Variants in CNTNAP2 observed in about 807,000 individuals in gnomAD.
CNTNAP2 encodes the protein contactin-associated protein-like 2.
In CNTNAP2, 98 loss-of-function variants were observed where a neutral mutation model predicts 155.2. The ratio of observed to expected loss-of-function variants is 0.63; its 90% CI spans 0.54 to 0.75. CNTNAP2 has a LOEUF of 0.75. CNTNAP2 is among the 30% of genes least tolerant of loss of function. The probability of loss-of-function intolerance (pLI) is 0.00; values close to 1 mark genes in which losing one functional copy is unlikely to be tolerated. For missense variants in CNTNAP2, 1,727 were observed against 1,688.1 expected, an observed-to-expected ratio of 1.02 and a Z score of -0.40; for synonymous variants, 651 against 631.2, an observed-to-expected ratio of 1.03 and a Z score of -0.47.
intron 11 of CNTNAP2, among the ~76,000 whole-genome samples, chr7:147,542,149 A>G (rs140470861): frequency 7.2e-4 from 110 of 152,196 alleles, no homozygotes; most frequent in Non-Finnish European, 1.6e-4. Flanking sequence ...CTACAGTCCA[A>G]TGCTATAATA....
At chr7:147,414,679 C>T (rs1425488973) in intron 10 of CNTNAP2, among the ~76,000 whole-genome samples, 4 of 151,794 alleles carry the variant, frequency 2.6e-5, no homozygotes, top group Admixed American at 1.3e-4. Context: ...CGGTGGCTCA[C>T]GCCTGTAATC....
intron 14 of CNTNAP2, among the ~76,000 whole-genome samples, chr7:147,924,143 C>CTTTTTTTTTTTTTTTTTTTTT (rs71527854): frequency 2.4e-5 from 3 of 123,494 alleles, no homozygotes; most frequent in African/African-American, 3.2e-5. Context: ...CTTTTCTTTT[C>CTTTTTTTTTTTTTTTTTTTTT]TTTTTTTTTT....
rs979168402 is a variant in CNTNAP2 at position 147,371,429 on chromosome 7, T to TA, written c.1499-24174dup. On this transcript the variant is annotated intron_variant, in intron 9 of 23. Transcript: ENST00000361727. ...ATAAGATACACAGCCTAGTGAATAA[T>TA]AAAAAAGTATTATTACATTTACTTT... Among the ~76,000 whole-genome samples, 69 of 152,278 alleles carry TA rather than the reference T, an allele frequency of 4.5e-4. 1 individual carries two copies. The highest frequency in any genetic ancestry group is 1.6e-3 in the African/African-American group (67 of 41,570).
chr7:147,382,741 T>G (rs1379040667), intron 9 of CNTNAP2, among the ~76,000 whole-genome samples: 3 of 152,000 alleles, frequency 2.0e-5, no homozygotes, highest in Non-Finnish European at 4.4e-5. Flanking sequence ...AGGACAAGCT[T>G]TAGGAACTCT....
At chr7:147,036,371 T>G (rs530501755) in intron 3 of CNTNAP2, among the ~76,000 whole-genome samples, 2 of 152,218 alleles carry the variant, frequency 1.3e-5, no homozygotes, top group Non-Finnish European at 2.9e-5. Context: ...GGGATGTTTA[T>G]TCTAAAATTA....
chr7:147,439,189 T>C (rs1797599657), intron 10 of CNTNAP2, among the ~76,000 whole-genome samples: 2 of 152,078 alleles, frequency 1.3e-5, no homozygotes, highest in African/African-American at 2.4e-5. Context: ...GGTTGTTTAT[T>C]TGAAGTTTTT....
chr7:147,295,577 G>C (rs1805423553), intron 8 of CNTNAP2, among the ~76,000 whole-genome samples: 1 of 152,090 alleles, frequency 6.6e-6, no homozygotes, highest in African/African-American at 2.4e-5. Context: ...ATAGAGCTTA[G>C]AACTTTATAC....
At chr7:146,315,303 G>T (rs1324896496) in intron 1 of CNTNAP2, among the ~76,000 whole-genome samples, 2 of 152,104 alleles carry the variant, frequency 1.3e-5, no homozygotes, top group Non-Finnish European at 2.9e-5. Context: ...TTCTGCAAGT[G>T]GGGTGATCTA....
At chr7:148,081,962 G>A (rs746096358) in intron 15 of CNTNAP2, among the ~76,000 whole-genome samples, 3 of 151,850 alleles carry the variant, frequency 2.0e-5, no homozygotes, top group South Asian at 4.2e-4. Flanking sequence ...TGTTTTGTTT[G>A]CTTGTTTTTT....
intron 12 of CNTNAP2, among the ~76,000 whole-genome samples, chr7:147,563,101 G>T (rs992703468): frequency 6.6e-6 from 1 of 152,050 alleles, no homozygotes; most frequent in African/African-American, 2.4e-5. Flanking sequence ...TTTACATCCT[G>T]GCTTCATTAA....
At chr7:146,268,849 A>G (rs1485597298) in intron 1 of CNTNAP2, among the ~76,000 whole-genome samples, 1 of 152,242 alleles carries the variant, frequency 6.6e-6, no homozygotes, top group Non-Finnish European at 1.5e-5. Context: ...ATTCACAAGA[A>G]GAAGATAGTT....
At chr7:146,274,468 G>C (rs1563017483) in intron 1 of CNTNAP2, among the ~76,000 whole-genome samples, 1 of 152,168 alleles carries the variant, frequency 6.6e-6, no homozygotes, top group Non-Finnish European at 1.5e-5. Context: ...CAAACATAAA[G>C]AGACCAGATG....
chr7:147,045,227 T>C (rs1458292523), intron 4 of CNTNAP2, among the ~76,000 whole-genome samples: 1 of 152,160 alleles, frequency 6.6e-6, no homozygotes, highest in Non-Finnish European at 1.5e-5. Context: ...CGTTTCCTAC[T>C]CATTCCTATA....
chr7:146,688,411 G>T (rs1378034081), intron 1 of CNTNAP2, among the ~76,000 whole-genome samples: 2 of 152,114 alleles, frequency 1.3e-5, no homozygotes, highest in Non-Finnish European at 2.9e-5. Flanking sequence ...CCTGGGTGCA[G>T]GCCAACTGAC....
intron 15 of CNTNAP2, among the ~76,000 whole-genome samples, chr7:148,055,360 G>A (rs900571985): frequency 6.6e-6 from 1 of 152,180 alleles, no homozygotes; most frequent in African/African-American, 2.4e-5. Flanking sequence ...TAGCTTATAG[G>A]AAATTATTCT....
At chr7:146,831,494 G>A (rs1803510851) in intron 2 of CNTNAP2, among the ~76,000 whole-genome samples, 1 of 151,690 alleles carries the variant, frequency 6.6e-6, no homozygotes, top group African/African-American at 2.4e-5. Flanking sequence ...TAGTCAACAT[G>A]GTGAAACCGT....
rs1800019876 is a variant in CNTNAP2, at chr7:148,417,417, C to CA, written c.*1805dup. On this transcript the variant is annotated 3_prime_UTR_variant, in exon 24 of 24. Coordinates refer to ENST00000361727, the MANE Select transcript of CNTNAP2 (RefSeq NM_014141.6). ...TCCCATACAAGTCAAGGTAACAGAA[C>CA]AAAAGGGAATCCTGATGCCCTTTTA... 2 of 152,618 alleles carry CA rather than the reference C, an allele frequency of 1.3e-5. No homozygotes were observed. Among genetic ancestry groups the CA allele is most frequent in the Admixed American group, 6.5e-5 (1 of 15,284 alleles). The allele number at this position is 152,618 out of a possible 1,614,324, so 9.5% of individuals were successfully genotyped here.
At chr7:147,319,198 C>A (rs1230278768) in intron 9 of CNTNAP2, among the ~76,000 whole-genome samples, 1 of 151,986 alleles carries the variant, frequency 6.6e-6, no homozygotes, top group African/African-American at 2.4e-5. Context: ...TTTTAAAAGG[C>A]TTTATATTGC....
At chr7:147,108,557 A>G (rs1449969809) in intron 5 of CNTNAP2, among the ~76,000 whole-genome samples, 2 of 152,194 alleles carry the variant, frequency 1.3e-5, no homozygotes. Flanking sequence ...ACAAGTTACT[A>G]TACTAGTCTT....
Sources: gnomAD v4.1 joint callset for allele counts (sites outside exome capture counted in the v4.1 genomes callset) on GRCh38, gnomAD v4.1.1 for gene constraint, MANE v1.5 for transcripts, NCBI Gene and HGNC (gene_info 2026-07-23, HGNC 2026-07-21) for gene names.